The following PACRG variants were observed in gnomAD, a reference collection of about 807,000 sequenced individuals.
PACRG encodes the protein parkin coregulated.
Under a neutral mutation model 29.7 loss-of-function variants are expected in PACRG, and 29 were observed. The observed-to-expected ratio is 0.98, with a 90% confidence interval of 0.73 to 1.33. PACRG has a LOEUF of 1.33. Ranked by LOEUF, PACRG falls within the 40% of genes most tolerant of loss-of-function variation. The probability of loss-of-function intolerance (pLI) is 0.00; values close to 1 mark genes in which losing one functional copy is unlikely to be tolerated. For synonymous variants in PACRG, 116 were observed against 118.7 expected, an observed-to-expected ratio of 0.98 and a Z score of 0.15; for missense variants, 279 against 316.2, an observed-to-expected ratio of 0.88 and a Z score of 0.89.
intron 1 of PACRG, among the ~76,000 whole-genome samples, chr6:162,767,899 A>C (rs548291596): frequency 2.3e-4 from 35 of 152,118 alleles, no homozygotes; most frequent in African/African-American, 8.2e-4. Flanking sequence ...TTTTTCAAAC[A>C]GTGTAGGAAA....
At chr6:163,230,482 G>GA (rs143936242) in intron 4 of PACRG, among the ~76,000 whole-genome samples, 3,845 of 152,088 alleles carry the variant, frequency 0.025, 164 homozygotes, top group African/African-American at 0.088. Context: ...GTTCCAGGGA[G>GA]AAAATAAACT....
intron 4 of PACRG, among the ~76,000 whole-genome samples, chr6:163,226,940 G>A (rs1283763577): frequency 6.6e-6 from 1 of 152,132 alleles, no homozygotes; most frequent in Admixed American, 6.5e-5. Context: ...GTGATGAGTA[G>A]GATTTCACAC....
chr6:163,181,062 C>T (rs907575538), intron 4 of PACRG, among the ~76,000 whole-genome samples: 19 of 152,170 alleles, frequency 1.2e-4, no homozygotes, highest in Non-Finnish European at 2.4e-4. Context: ...CAGCCTTCTC[C>T]GGATACCAAA....
intron 1 of PACRG, among the ~76,000 whole-genome samples, chr6:162,773,411 A>G (rs1783375468): frequency 6.6e-6 from 1 of 151,882 alleles, no homozygotes; most frequent in Admixed American, 6.6e-5. Flanking sequence ...TGTAGATATT[A>G]ATAATACTAG....
At chr6:162,941,121 C>T (rs1798600235) in intron 2 of PACRG, among the ~76,000 whole-genome samples, 1 of 152,004 alleles carries the variant, frequency 6.6e-6, no homozygotes, top group Non-Finnish European at 1.5e-5. Flanking sequence ...CGGGTGTCCC[C>T]ACGGCTTCTA....
chr6:162,854,008 A>G (rs1039823796), intron 2 of PACRG, among the ~76,000 whole-genome samples: 2 of 152,180 alleles, frequency 1.3e-5, no homozygotes, highest in South Asian at 4.1e-4. Context: ...AACATATTCT[A>G]TGGTCAACAG....
chr6:162,972,143 A>T (rs1801586103), intron 2 of PACRG, among the ~76,000 whole-genome samples: 1 of 152,218 alleles, frequency 6.6e-6, no homozygotes, highest in Non-Finnish European at 1.5e-5. Flanking sequence ...GACTTTGGCG[A>T]GTCTCAAATC....
chr6:162,839,916 T>A (rs1246409542), intron 2 of PACRG, among the ~76,000 whole-genome samples: 1 of 134,800 alleles, frequency 7.4e-6, no homozygotes, highest in Non-Finnish European at 1.6e-5. Context: ...ATATGCGGCG[T>A]TATTTCTGAG....
At chr6:162,975,668 A>G (rs1398707156) in intron 2 of PACRG, among the ~76,000 whole-genome samples, 3 of 152,076 alleles carry the variant, frequency 2.0e-5, no homozygotes, top group Admixed American at 6.5e-5. Flanking sequence ...TTTAATTTTT[A>G]TATCTATTCG....
At chr6:163,164,311 C>A (rs1014548911) in intron 4 of PACRG, among the ~76,000 whole-genome samples, 2 of 152,176 alleles carry the variant, frequency 1.3e-5, no homozygotes, top group African/African-American at 4.8e-5. Flanking sequence ...TTTCAGCTTC[C>A]ATTTGGTGGC....
chr6:162,774,105 T>C (rs1390926617), intron 1 of PACRG, among the ~76,000 whole-genome samples: 2 of 152,208 alleles, frequency 1.3e-5, no homozygotes, highest in Admixed American at 1.3e-4. Context: ...GTGGTAGATA[T>C]GGATGGAAAG....
chr6:162,958,876 TATATATATAGAGAG>T (rs1300266304), intron 2 of PACRG, among the ~76,000 whole-genome samples: 16 of 30,044 alleles, frequency 5.3e-4, no homozygotes, highest in East Asian at 3.5e-3. Context: ...TATATATATA[TATATATATAGAGAG>T]AGAGAGAGAG....
chr6:163,217,124 T>G (rs1329656964), intron 4 of PACRG, among the ~76,000 whole-genome samples: 1 of 152,206 alleles, frequency 6.6e-6, no homozygotes, highest in Non-Finnish European at 1.5e-5. Context: ...GACTCTGGGA[T>G]GGGCAGAACC....
At chr6:163,026,265 C>T (rs1230156724) in intron 2 of PACRG, among the ~76,000 whole-genome samples, 2 of 152,202 alleles carry the variant, frequency 1.3e-5, no homozygotes, top group Admixed American at 1.3e-4. Context: ...ATGCATTTAG[C>T]TAGTCAATGT....
chr6:163,049,112 A>T (rs956542468), intron 2 of PACRG, among the ~76,000 whole-genome samples: 3 of 152,146 alleles, frequency 2.0e-5, no homozygotes, highest in Non-Finnish European at 4.4e-5. Context: ...AGCCTACCAA[A>T]TATTAAAATC....
chr6:162,814,335 C>T, intron 2 of PACRG, 54 bp downstream of exon 2: 1 of 1,592,168 alleles, frequency 6.3e-7, no homozygotes, highest in Non-Finnish European at 8.6e-7. Context: ...GTGACATCTC[C>T]CAATGCCAAA....
intron 2 of PACRG, among the ~76,000 whole-genome samples, chr6:162,947,601 T>TG (rs1562767147): frequency 1.4e-5 from 1 of 70,780 alleles, no homozygotes; most frequent in Non-Finnish European, 2.8e-5. Flanking sequence ...TAATCATATA[T>TG]ATATATAATC....
intron 4 of PACRG, among the ~76,000 whole-genome samples, chr6:163,287,444 C>T (rs1462991802): frequency 6.6e-6 from 1 of 152,290 alleles, no homozygotes; most frequent in South Asian, 2.1e-4. Context: ...CCCCACAGGC[C>T]GCACACACGG....
chr6:162,919,510 T>C (rs1480076035), intron 2 of PACRG, among the ~76,000 whole-genome samples: 2 of 152,072 alleles, frequency 1.3e-5, no homozygotes, highest in South Asian at 2.1e-4. Context: ...TAGAAACTAG[T>C]AGAGTTCCCA....
Sources: gnomAD v4.1 joint callset for allele counts (sites outside exome capture counted in the v4.1 genomes callset) on GRCh38, gnomAD v4.1.1 for gene constraint, MANE v1.5 for transcripts, NCBI Gene and HGNC (gene_info 2026-07-23, HGNC 2026-07-21) for gene names.